Variants in CRYBG1 observed in about 807,000 individuals in gnomAD.
CRYBG1 encodes crystallin beta-gamma domain containing 1.
Under a neutral mutation model 189.2 loss-of-function variants are expected in CRYBG1, and 139 were observed. That is an observed-to-expected ratio of 0.73 (90% CI 0.64 to 0.85). CRYBG1 has a LOEUF of 0.85. Ranked by LOEUF, CRYBG1 falls within the 40% of genes least tolerant of loss-of-function variation. CRYBG1 has a pLI of 0.00. For missense variants in CRYBG1, 2,611 were observed against 2,675.8 expected, an observed-to-expected ratio of 0.98 and a Z score of 0.53; for synonymous variants, 1,023 against 1,017.1, an observed-to-expected ratio of 1.01 and a Z score of -0.11.
intron 7 of CRYBG1, among the ~76,000 whole-genome samples, chr6:106,528,692 G>A (rs1322379995): frequency 1.3e-5 from 2 of 152,122 alleles, no homozygotes; most frequent in East Asian, 3.9e-4. Context: ...ATGGGGAAGG[G>A]AAACGAGATC....
At chr6:106,556,069 G>A (rs565784974) in intron 17 of CRYBG1, among the ~76,000 whole-genome samples, 172 bp downstream of exon 17, 1 of 152,268 alleles carries the variant, frequency 6.6e-6, no homozygotes, top group East Asian at 1.9e-4. Flanking sequence ...ACTGGTACAC[G>A]TTTTCCACCA....
At chr6:106,413,186 G>A (rs1349779348) in intron 1 of CRYBG1, among the ~76,000 whole-genome samples, 2 of 152,110 alleles carry the variant, frequency 1.3e-5, no homozygotes, top group East Asian at 3.9e-4. Context: ...CCTGGTTTGG[G>A]TTACATGTCT....
At chr6:106,388,775 C>A (rs79504000) in intron 1 of CRYBG1, among the ~76,000 whole-genome samples, 2 of 152,266 alleles carry the variant, frequency 1.3e-5, no homozygotes, top group East Asian at 3.9e-4. Flanking sequence ...TAAGATGCCA[C>A]CATATAAGAA....
At position 106,541,913 on chromosome 6, in the gene CRYBG1, T is replaced by C. The variant is rs116605495; in HGVS notation, c.4881+292T>C. On this transcript the variant is annotated intron_variant, in intron 10 of 21. Transcript: ENST00000633556. ...TTGAGTTAACAATTTGCAGTTGTAT[T>C]TACTAATTGCAGGGCTTCTTGCTGC... Among the ~76,000 whole-genome samples the C allele has an allele frequency of 2.3e-3, 349 of 152,302 alleles. 2 individuals are homozygous for C. The highest frequency in any genetic ancestry group is 7.9e-3 in the African/African-American group (329 of 41,568).
At chr6:106,422,405 C>T (rs3889294) in intron 1 of CRYBG1, among the ~76,000 whole-genome samples, 12,103 of 150,412 alleles carry the variant, frequency 0.08, 634 homozygotes, top group East Asian at 0.15. Flanking sequence ...CATCATGTCT[C>T]ACTGCAGTCT....
chr6:106,538,572 C>T (rs1774056535), intron 8 of CRYBG1, among the ~76,000 whole-genome samples: 1 of 152,084 alleles, frequency 6.6e-6, no homozygotes, highest in East Asian at 1.9e-4. Context: ...CAATGCACTT[C>T]CTGCAATGAG....
At position 106,360,977 on chromosome 6, in the gene CRYBG1, C is replaced by T; in HGVS notation, c.69C>T (p.His23=). ...GCCCGTGCAGGCCCCCTAAGAAGCA[C>T]ACCACCTTCCACCTCTGGCGCTCCA... ...EPSPCRPPKK[H]TTFHLWRSKK... The change falls in exon 1 of 22, where the codon CAC becomes CAT. Residue 23 remains histidine, a synonymous_variant. Coordinates refer to ENST00000633556, the MANE Select transcript of CRYBG1 (RefSeq NM_001371242.2). The T allele has an allele frequency of 6.5e-7, 1 of 1,535,298 alleles. No individual in the cohort carries two copies. Among genetic ancestry groups the T allele is most frequent in the South Asian group, 1.2e-5 (1 of 84,054 alleles).
chr6:106,520,251 T>G lies in CRYBG1; in HGVS notation c.3043T>G (p.Ser1015Ala). The G allele has an allele frequency of 6.2e-7, 1 of 1,614,064 alleles. No individual in the cohort carries two copies. Among genetic ancestry groups the G allele is most frequent in the Non-Finnish European group, 8.5e-7 (1 of 1,180,018 alleles). Reference protein sequence around the residue: ...PQEEVLGNEHSHCTAELAAKS... With the variant: ...PQEEVLGNEHAHCTAELAAKS... ...AGAGGAAGTACTGGGCAATGAACAC[T>G]CTCATTGCACAGCAGAGCTCGCGGC... Residue 1015 changes from serine to alanine, a missense_variant, in exon 4 of 22, where the codon TCT (serine) becomes GCT (alanine). Ser to Ala is a moderately conservative substitution (Grantham distance 99). Transcript: ENST00000633556.
intron 8 of CRYBG1, among the ~76,000 whole-genome samples, chr6:106,533,207 G>A (rs971973504): frequency 5.9e-5 from 9 of 152,200 alleles, no homozygotes; most frequent in South Asian, 2.1e-4. Context: ...AGTCTGCCCT[G>A]GAGCTAGCTG....
chr6:106,459,841 T>A (rs1771966899), intron 2 of CRYBG1, among the ~76,000 whole-genome samples: 1 of 152,196 alleles, frequency 6.6e-6, no homozygotes, highest in Non-Finnish European at 1.5e-5. Flanking sequence ...ATAGATACTA[T>A]CAAATTGTCC....
At chr6:106,470,444 G>A (rs1312631255) in intron 2 of CRYBG1, among the ~76,000 whole-genome samples, 1 of 152,034 alleles carries the variant, frequency 6.6e-6, no homozygotes, top group Non-Finnish European at 1.5e-5. Context: ...GTGATGGCGG[G>A]TGCCTGTAAT....
At chr6:106,421,664 C>T (rs971371265) in intron 1 of CRYBG1, among the ~76,000 whole-genome samples, 1 of 152,164 alleles carries the variant, frequency 6.6e-6, no homozygotes, top group Non-Finnish European at 1.5e-5. Flanking sequence ...AGGATCTCAA[C>T]ATTCCTGTGG....
Position 106,512,206 on chromosome 6 carries a change from A to AGCCCGCCCCAAGGGTCAC in CRYBG1, c.1094_1111dup (p.Arg365_Ala370dup). On this transcript the variant is annotated inframe_insertion, in exon 3 of 22. Coordinates refer to ENST00000633556, the MANE Select transcript of CRYBG1 (RefSeq NM_001371242.2). ...CCAGCTCCGCGCAGGCAGACTGCAC[A>AGCCCGCCCCAAGGGTCAC]GCCCGCCCCAAGGGTCACGCCCACC... The AGCCCGCCCCAAGGGTCAC allele has an allele frequency of 6.5e-7, 1 of 1,536,128 alleles. No individual in the cohort carries two copies. The highest frequency in any genetic ancestry group is 2.0e-5 in the Admixed American group (1 of 50,992).
At chr6:106,387,933 G>T (rs1016271818) in intron 1 of CRYBG1, among the ~76,000 whole-genome samples, 1 of 152,086 alleles carries the variant, frequency 6.6e-6, no homozygotes, top group Admixed American at 6.6e-5. Context: ...TTCTTCCATT[G>T]GAGCAATTAT....
chr6:106,537,898 T>A (rs1774041522), intron 8 of CRYBG1, among the ~76,000 whole-genome samples: 1 of 152,168 alleles, frequency 6.6e-6, no homozygotes, highest in Admixed American at 6.5e-5. Flanking sequence ...AATTAGAGAG[T>A]CTAGAGAAGT....
intron 1 of CRYBG1, among the ~76,000 whole-genome samples, chr6:106,448,461 GGAGATCAT>G (rs1009486036): frequency 5.9e-5 from 9 of 152,088 alleles, no homozygotes; most frequent in African/African-American, 1.9e-4. Flanking sequence ...CTCCCATCTG[GGAGATCAT>G]GACCCCAAGT....
chr6:106,547,665 C>T (rs1613722), intron 13 of CRYBG1, among the ~76,000 whole-genome samples: 124,726 of 152,166 alleles, frequency 0.82, 51,783 homozygotes, highest in South Asian at 0.95. Context: ...TTATGGCATG[C>T]ATTGTCAGAA....
chr6:106,491,617 A>G (rs914046894), intron 2 of CRYBG1, among the ~76,000 whole-genome samples: 5 of 151,884 alleles, frequency 3.3e-5, no homozygotes, highest in African/African-American at 1.2e-4. Flanking sequence ...TCTCTCTCTC[A>G]GTGTCTGCTT....
chr6:106,481,849 T>A (rs766336820), intron 2 of CRYBG1, among the ~76,000 whole-genome samples: 1 of 152,328 alleles, frequency 6.6e-6, no homozygotes, highest in South Asian at 2.1e-4. Flanking sequence ...CTGTCCTTCA[T>A]GCCTGCCATT....
Sources: gnomAD v4.1 joint callset for allele counts (sites outside exome capture counted in the v4.1 genomes callset) on GRCh38, gnomAD v4.1.1 for gene constraint, MANE v1.5 for transcripts, NCBI Gene and HGNC (gene_info 2026-07-23, HGNC 2026-07-21) for gene names.